ARID2: variants seen among roughly 807,000 people sequenced by gnomAD.
ARID2 encodes AT-rich interactive domain-containing protein 2.
A neutral mutation model predicts 184.6 loss-of-function variants in ARID2; 32 were observed. The observed-to-expected ratio is 0.17, with a 90% CI of 0.13 to 0.23. The LOEUF (loss-of-function observed/expected upper bound fraction) is 0.23, where lower values mean the gene tolerates loss of function less well. Ranked by LOEUF, ARID2 falls within the 10% of genes least tolerant of loss-of-function variation. The pLI, the probability that ARID2 is intolerant of heterozygous loss-of-function variation, is 1.00. For missense variants in ARID2, 1,696 were observed against 2,197.6 expected (o/e 0.77, Z 4.56); for synonymous variants, 836 against 772.6 (o/e 1.08, Z -1.36).
intron 3 of ARID2, among the ~76,000 whole-genome samples, chr12:45,803,816 T>C (rs528286213): frequency 1.3e-5 from 2 of 152,316 alleles, no homozygotes; most frequent in East Asian, 3.9e-4. Flanking sequence ...TTGTGAGAGA[T>C]GGTTTAATTA....
Position 45,763,699 on chromosome 12 carries a change from C to T in ARID2, c.284+32385C>T, listed in dbSNP as rs78946252. Among the ~76,000 whole-genome samples, 54 of 152,060 alleles carry T rather than the reference C, an allele frequency of 3.6e-4. No homozygotes were observed. The East Asian group carries it at 9.5e-3, about 27-fold the overall frequency. ...AGACACAGGGCTTTTCTGTGTTGCT[C>T]AGACTAGTTTTCAGCTCCTGGCCTC... On this transcript the variant is annotated intron_variant, in intron 3 of 20. Coordinates refer to ENST00000334344, the MANE Select transcript of ARID2 (RefSeq NM_152641.4).
intron 3 of ARID2, among the ~76,000 whole-genome samples, chr12:45,782,658 A>G (rs1156834425): frequency 6.6e-6 from 1 of 152,080 alleles, no homozygotes; most frequent in Non-Finnish European, 1.5e-5. Context: ...ATCAAAATTT[A>G]GTAATTTTAA....
At chr12:45,801,559 A>G (rs1592085261) in intron 3 of ARID2, among the ~76,000 whole-genome samples, 1 of 152,228 alleles carries the variant, frequency 6.6e-6, no homozygotes, top group Non-Finnish European at 1.5e-5. Context: ...AGACAAATAG[A>G]CATGATGTGC....
intron 3 of ARID2, among the ~76,000 whole-genome samples, chr12:45,790,666 A>G (rs1942276700): frequency 6.6e-6 from 1 of 152,148 alleles, no homozygotes; most frequent in Admixed American, 6.5e-5. Flanking sequence ...ATGTTTCTTT[A>G]AATTCTTTTG....
intron 3 of ARID2, among the ~76,000 whole-genome samples, chr12:45,734,347 C>T (rs575248248): frequency 6.6e-5 from 10 of 151,576 alleles, no homozygotes; most frequent in African/African-American, 2.4e-5. Flanking sequence ...CTAGTCTGGC[C>T]GACAGAGTGA....
intron 3 of ARID2, among the ~76,000 whole-genome samples, chr12:45,801,792 G>C (rs962434292): frequency 1.3e-5 from 2 of 151,894 alleles, no homozygotes; most frequent in Non-Finnish European, 2.9e-5. Flanking sequence ...GTGTGTATTG[G>C]GGGGTGGGGG....
At chr12:45,744,930 C>T (rs1941327517) in intron 3 of ARID2, among the ~76,000 whole-genome samples, 1 of 152,142 alleles carries the variant, frequency 6.6e-6, no homozygotes, top group African/African-American at 2.4e-5. Flanking sequence ...CTTGGAACAT[C>T]CCTCCTTCTT....
At chr12:45,734,162 A>G (rs1941063151) in intron 3 of ARID2, among the ~76,000 whole-genome samples, 1 of 152,198 alleles carries the variant, frequency 6.6e-6, no homozygotes. Context: ...TGAGGTCAGG[A>G]GTTTGAGACC....
At position 45,852,062 on chromosome 12, in the gene ARID2, A is replaced by G. The variant is rs1252362585; in HGVS notation, c.3939A>G (p.Gln1313=). The G allele has an allele frequency of 6.2e-7, 1 of 1,614,120 alleles. No homozygotes were observed. Among genetic ancestry groups the G allele is most frequent in the African/African-American group, 1.3e-5 (1 of 75,058 alleles). Residue 1313 remains glutamine (Q), a synonymous_variant, in exon 15 of 21, where the codon CAA becomes CAG. Transcript: ENST00000334344. ...SLPPSNSGKI[Q]SETNQCSLIS... ...CTCCTTCAAACTCAGGGAAAATTCA[A>G]AGTGAGACTAATCAGTGCTCACTAA...
At chr12:45,816,181 C>T (rs1334767552) in intron 4 of ARID2, among the ~76,000 whole-genome samples, 1 of 152,038 alleles carries the variant, frequency 6.6e-6, no homozygotes, top group Non-Finnish European at 1.5e-5. Flanking sequence ...CCGTTTTATC[C>T]CATCTTCAAA....
chr12:45,857,695 C>A (rs1432522164), intron 15 of ARID2, among the ~76,000 whole-genome samples: 1 of 152,094 alleles, frequency 6.6e-6, no homozygotes, highest in Non-Finnish European at 1.5e-5. Flanking sequence ...ATTTCTATTA[C>A]TGTCTTAATT....
At chr12:45,826,359 G>A (rs949482729) in intron 6 of ARID2, among the ~76,000 whole-genome samples, 2 of 151,946 alleles carry the variant, frequency 1.3e-5, no homozygotes, top group African/African-American at 2.4e-5. Context: ...TAGTTAAATA[G>A]TGGGAAAAGA....
At chr12:45,891,441 T>G (rs144836880) in intron 16 of ARID2, among the ~76,000 whole-genome samples, 1 of 152,302 alleles carries the variant, frequency 6.6e-6, no homozygotes, top group East Asian at 1.9e-4. Context: ...CTAAAACTTA[T>G]AGAATTTGAA....
chr12:45,886,258 C>G (rs1365049019), intron 16 of ARID2, among the ~76,000 whole-genome samples: 2 of 152,038 alleles, frequency 1.3e-5, no homozygotes, highest in Non-Finnish European at 2.9e-5. Context: ...GTCATTAAAC[C>G]TTAAAGTTCC....
intron 6 of ARID2, among the ~76,000 whole-genome samples, chr12:45,828,515 A>G (rs1291685440): frequency 6.6e-6 from 1 of 152,052 alleles, no homozygotes; most frequent in African/African-American, 2.4e-5. Context: ...GGGTATGCAT[A>G]TCTGTATTCA....
intron 3 of ARID2, among the ~76,000 whole-genome samples, chr12:45,735,746 A>G (rs955583336): frequency 1.3e-5 from 2 of 152,206 alleles, no homozygotes; most frequent in Non-Finnish European, 2.9e-5. Flanking sequence ...AGACTTATCA[A>G]AGCTCAGCTA....
intron 3 of ARID2, among the ~76,000 whole-genome samples, chr12:45,750,015 C>A (rs866715443): frequency 2.4e-4 from 37 of 152,302 alleles, no homozygotes; most frequent in Non-Finnish European, 3.2e-4. Context: ...TCAAAACTTT[C>A]CTTTTACATT....
chr12:45,730,619 G>C (rs931108007), intron 2 of ARID2, among the ~76,000 whole-genome samples: 2 of 151,940 alleles, frequency 1.3e-5, no homozygotes, highest in African/African-American at 4.8e-5. Flanking sequence ...ATCGATAATC[G>C]GCTGCGAAAT....
intron 16 of ARID2, 136 bp from the exon 17 acceptor site, chr12:45,891,644 G>A: frequency 3.5e-6 from 3 of 860,578 alleles, no homozygotes; most frequent in Non-Finnish European, 5.2e-6. Context: ...TATGAATAAG[G>A]GATGTTAAAA....
Sources: allele counts gnomAD v4.1 joint callset (sites outside exome capture counted in the v4.1 genomes callset), GRCh38; gene constraint gnomAD v4.1.1; transcripts MANE v1.5; gene names NCBI Gene and HGNC (gene_info 2026-07-23, HGNC 2026-07-21).